The following MIDEAS variants were observed in gnomAD, a reference collection of about 807,000 sequenced individuals.
The protein encoded by MIDEAS is mitotic deacetylase associated SANT domain protein.
MIDEAS carries 26 observed loss-of-function variants against 102.7 expected under a neutral mutation model. That is an observed-to-expected ratio of 0.25 (90% CI 0.19 to 0.35). The LOEUF is 0.35. Among genes scored for constraint, MIDEAS ranks in the 10% least tolerant of loss-of-function variants. The pLI, the probability that MIDEAS is intolerant of heterozygous loss-of-function variation, is 1.00. For missense variants in MIDEAS, 1,231 were observed against 1,435.6 expected (o/e 0.86, Z 2.30); for synonymous variants, 585 against 591.0 (o/e 0.99, Z 0.15).
chr14:73,765,564 T>C (rs1391422771), intron 1 of MIDEAS, among the ~76,000 whole-genome samples: 1 of 152,188 alleles, frequency 6.6e-6, no homozygotes, highest in Non-Finnish European at 1.5e-5. Context: ...GCTCCCATCA[T>C]CTACTGCATA....
chr14:73,741,454 A>G (rs936843121), intron 1 of MIDEAS, among the ~76,000 whole-genome samples: 1 of 152,088 alleles, frequency 6.6e-6, no homozygotes, highest in East Asian at 1.9e-4. Context: ...AGGGGAAAAC[A>G]GCTCGGGCGG....
At chr14:73,738,467 G>T in intron 2 of MIDEAS, 93 bp downstream of exon 2, 1 of 1,423,984 alleles carries the variant, frequency 7.0e-7, no homozygotes. Flanking sequence ...GGCAAAGTCT[G>T]GCTTTCCCTA....
chr14:73,769,901 G>GT lies in MIDEAS; in HGVS notation c.-248+17200_-248+17201insA, dbSNP rs1566607782. ...AGGTGTGAGCCACCGTGCCCGGCTG[G>GT]GTTTTTTTTTTTGTTTTTTTTTTTT... On this transcript the variant is annotated intron_variant, in intron 1 of 11. Coordinates refer to the MIDEAS transcript ENST00000394071. 3.9e-4 allele frequency among the ~76,000 whole-genome samples: 47 copies of GT among 121,808 alleles called. 1 individual carries two copies. The highest frequency in any genetic ancestry group is 1.0e-3 in the African/African-American group (26 of 25,964). 79.9% of individuals were successfully genotyped at this position (121,808 alleles called of 152,430 possible). A position where few individuals can be genotyped will look rare whatever the true frequency, so the allele number is the denominator to read the frequency against.
intron 1 of MIDEAS, among the ~76,000 whole-genome samples, chr14:73,776,241 G>T (rs1208926735): frequency 1.3e-5 from 2 of 152,002 alleles, no homozygotes; most frequent in East Asian, 1.9e-4. Context: ...CAGATGCCGG[G>T]ATGATCTCCC....
rs1344581714 is a variant in MIDEAS at position 73,760,090 on chromosome 14, A to T, written c.-575T>A. 1 of 151,388 alleles carries T rather than the reference A, an allele frequency of 6.6e-6. No homozygotes were observed. The highest frequency in any genetic ancestry group is 1.5e-5 in the Non-Finnish European group (1 of 67,928). 9.4% of individuals were successfully genotyped at this position (151,388 alleles called of 1,614,324 possible). ...CGTGTCACCCCCAGTCCTGCGATGC[A>T]GTGTCAGGATTGCACGGCTCTGACT... On this transcript the variant is annotated 5_prime_UTR_variant, in exon 1 of 13. Coordinates refer to ENST00000423556, the MANE Select transcript of MIDEAS (RefSeq NM_001367710.1). This position sits in a 1 kb window ranked among gnomAD's most constrained non-coding sequence, Gnocchi z 4.8.
intron 1 of MIDEAS, among the ~76,000 whole-genome samples, chr14:73,749,068 G>A (rs1399133347): frequency 1.3e-5 from 2 of 152,016 alleles, no homozygotes; most frequent in African/African-American, 2.4e-5. Context: ...CGAACAGTAC[G>A]ACTAAATAGA....
intron 1 of MIDEAS, among the ~76,000 whole-genome samples, chr14:73,783,314 G>A (rs1014715381): frequency 1.3e-5 from 2 of 152,164 alleles, no homozygotes; most frequent in East Asian, 3.9e-4. Context: ...GGACTGGAAG[G>A]GGAGCAGGAC....
At chr14:73,751,915 A>T (rs145324487) in intron 1 of MIDEAS, among the ~76,000 whole-genome samples, 1 of 151,952 alleles carries the variant, frequency 6.6e-6, no homozygotes, top group East Asian at 1.9e-4. Flanking sequence ...AAATAAATAA[A>T]GTCTTGGCTC....
intron 1 of MIDEAS, among the ~76,000 whole-genome samples, chr14:73,757,294 A>AAAAAAAAAC: frequency 6.7e-6 from 1 of 150,336 alleles, no homozygotes; most frequent in Non-Finnish European, 1.5e-5. Context: ...AAAAAAAAAA[A>AAAAAAAAAC]CACTAAACAC....
intron 1 of MIDEAS, among the ~76,000 whole-genome samples, chr14:73,748,053 C>CTGTT (rs936849059): frequency 1.3e-5 from 2 of 152,184 alleles, no homozygotes; most frequent in African/African-American, 4.8e-5. Flanking sequence ...TTAACCCTTA[C>CTGTT]TGTTCTGTGT....
At chr14:73,783,462 G>A (rs1458410142) in intron 1 of MIDEAS, among the ~76,000 whole-genome samples, 2 of 152,286 alleles carry the variant, frequency 1.3e-5, no homozygotes, top group Non-Finnish European at 2.9e-5. Flanking sequence ...GACGGGAGAG[G>A]AGCAAAGGTC....
intron 1 of MIDEAS, among the ~76,000 whole-genome samples, chr14:73,741,592 G>C (rs986766544): frequency 6.6e-6 from 1 of 152,172 alleles, no homozygotes; most frequent in Non-Finnish European, 1.5e-5. Flanking sequence ...ACTATACCCA[G>C]TTTGCAGTTC....
chr14:73,789,073 A>G (rs1030214035), upstream of MIDEAS: 3 of 152,180 alleles, frequency 2.0e-5, no homozygotes, highest in African/African-American at 7.2e-5. Flanking sequence ...GATGTGGTAG[A>G]CAGCCTCTAA....
intron 1 of MIDEAS, among the ~76,000 whole-genome samples, chr14:73,744,549 G>A (rs976453633): frequency 2.0e-5 from 3 of 152,252 alleles, no homozygotes; most frequent in African/African-American, 7.2e-5. Context: ...TAGGAAGAGG[G>A]GAGTCAAAGA....
At chr14:73,761,387 G>C (rs1450894530), upstream of MIDEAS, among the ~76,000 whole-genome samples, 1 of 152,184 alleles carries the variant, frequency 6.6e-6, no homozygotes, top group African/African-American at 2.4e-5. Flanking sequence ...ACCTGCACTT[G>C]CTTCTAAGGG....
chr14:73,755,734 G>T (rs1463153347), intron 1 of MIDEAS, among the ~76,000 whole-genome samples: 2 of 152,164 alleles, frequency 1.3e-5, no homozygotes, highest in Non-Finnish European at 2.9e-5. Flanking sequence ...TCAAGCTGTT[G>T]TTCCCAGGGC....
chr14:73,786,057 C>G (rs1283196399), intron 1 of MIDEAS, among the ~76,000 whole-genome samples: 1 of 152,208 alleles, frequency 6.6e-6, no homozygotes, highest in Admixed American at 6.5e-5. Flanking sequence ...TAATTACAGG[C>G]CGGCAGGAAG....
chr14:73,736,911 C>CT, intron 3 of MIDEAS, 87 bp downstream of exon 3: 1 of 1,346,990 alleles, frequency 7.4e-7, no homozygotes, highest in Non-Finnish European at 1.0e-6. Flanking sequence ...TACCTTCCTA[C>CT]ATTGCCATGT....
chr14:73,721,260 G>A (rs1456749764), intron 11 of MIDEAS, 37 bp downstream of exon 11: 2 of 1,600,194 alleles, frequency 1.2e-6, no homozygotes, highest in Non-Finnish European at 1.7e-6. Context: ...GCTCCACCCT[G>A]CTTGCCCTGG....
Sources: allele counts gnomAD v4.1 joint callset (sites outside exome capture counted in the v4.1 genomes callset), GRCh38; gene constraint gnomAD v4.1.1; non-coding constraint Gnocchi (gnomAD v3.1); transcripts MANE v1.5; gene names NCBI Gene and HGNC (gene_info 2026-07-23, HGNC 2026-07-21).